The following CNTN6 variants were observed in gnomAD, a reference collection of about 807,000 sequenced individuals.
CNTN6 encodes contactin-6.
Under a neutral mutation model 122.8 loss-of-function variants are expected in CNTN6, and 137 were observed. That is an observed-to-expected ratio of 1.12 (90% CI 0.97 to 1.29). The LOEUF (loss-of-function observed/expected upper bound fraction) is 1.29. Among genes scored for constraint, CNTN6 ranks in the 50% most tolerant of loss-of-function variants. CNTN6 has a pLI of 0.00. For missense variants in CNTN6, 1,634 were observed against 1,223.4 expected, an observed-to-expected ratio of 1.34 and a Z score of -5.01; for synonymous variants, 570 against 426.0, an observed-to-expected ratio of 1.34 and a Z score of -4.16.
At chr3:1,393,660 A>AC (rs1429607024) in intron 20 of CNTN6, among the ~76,000 whole-genome samples, 53 of 152,190 alleles carry the variant, frequency 3.5e-4, no homozygotes, top group African/African-American at 1.3e-3. Flanking sequence ...TAAAAAAAAA[A>AC]ACACATTGTA....
At chr3:1,171,513 GC>G (rs776452787) in intron 2 of CNTN6, among the ~76,000 whole-genome samples, 1 of 152,144 alleles carries the variant, frequency 6.6e-6, no homozygotes. Flanking sequence ...ACTTATAAAT[GC>G]CACTTGTGCC....
Position 1,327,712 on chromosome 3 carries a change from C to A in CNTN6, c.1213+126C>A, listed in dbSNP as rs140968632. On this transcript the variant is annotated intron_variant, in intron 10 of 22. Transcript: ENST00000446702. ...TGTCCCATCAAATAATGGGAAATGT[C>A]TAAATTAACTTTTTACAAAATTCAA... The A allele has an allele frequency of 1.2e-5, 12 of 970,536 alleles. No individual in the cohort carries two copies. The African/African-American group carries it at 1.5e-4, about 12-fold the overall frequency. 60.1% of individuals were successfully genotyped at this position (970,536 alleles called of 1,614,324 possible). A position where few individuals can be genotyped will look rare whatever the true frequency, so the allele number is the denominator to read the frequency against.
chr3:1,373,093 C>A, intron 14 of CNTN6, 138 bp downstream of exon 14: 1 of 578,748 alleles, frequency 1.7e-6, no homozygotes, highest in Non-Finnish European at 3.0e-6. Flanking sequence ...TTTTTAAACC[C>A]CAGGACTCCA....
chr3:1,187,964 C>T (rs1274900834), intron 2 of CNTN6, among the ~76,000 whole-genome samples: 1 of 152,182 alleles, frequency 6.6e-6, no homozygotes, highest in African/African-American at 2.4e-5. Context: ...AAGCCCCACA[C>T]TGCACCACCT....
chr3:1,343,793 A>G (rs61351715), intron 11 of CNTN6, among the ~76,000 whole-genome samples: 1 of 152,068 alleles, frequency 6.6e-6, no homozygotes, highest in South Asian at 2.1e-4. Flanking sequence ...CCCATTCTAT[A>G]TAAAGTTGGC....
At chr3:1,331,776 A>G (rs1702324346) in intron 11 of CNTN6, among the ~76,000 whole-genome samples, 1 of 151,780 alleles carries the variant, frequency 6.6e-6, no homozygotes. Flanking sequence ...AACACGAAGT[A>G]TGTGGGAACA....
chr3:1,160,618 C>G (rs1236448075), intron 2 of CNTN6, among the ~76,000 whole-genome samples: 1 of 147,562 alleles, frequency 6.8e-6, no homozygotes, highest in Admixed American at 6.9e-5. Context: ...TTCTAGTATG[C>G]TGTTTCTGAG....
chr3:1,194,320 T>C (rs1423493871), intron 2 of CNTN6, among the ~76,000 whole-genome samples: 2 of 152,158 alleles, frequency 1.3e-5, no homozygotes, highest in African/African-American at 4.8e-5. Context: ...CAGGGCATCA[T>C]GTTCTCAGAC....
At chr3:1,119,321 T>TTGTGTGTGTGTGTGTG (rs1574914794) in intron 1 of CNTN6, among the ~76,000 whole-genome samples, 1 of 6,390 alleles carries the variant, frequency 1.6e-4, no homozygotes, top group Non-Finnish European at 2.9e-4. Context: ...AACAGAAAAA[T>TTGTGTGTGTGTGTGTG]CGTGTGTGTG....
At chr3:1,364,968 C>T (rs977119197) in intron 12 of CNTN6, among the ~76,000 whole-genome samples, 11 of 152,004 alleles carry the variant, frequency 7.2e-5, no homozygotes, top group Non-Finnish European at 1.2e-4. Flanking sequence ...GAATGATTGT[C>T]ATTTATATTT....
intron 2 of CNTN6, among the ~76,000 whole-genome samples, chr3:1,154,084 T>A (rs2092906743): frequency 6.6e-6 from 1 of 152,240 alleles, no homozygotes; most frequent in South Asian, 2.1e-4. Flanking sequence ...ACCATTTTCA[T>A]GCAATGCTTA....
At chr3:1,170,140 G>A (rs1575105472) in intron 2 of CNTN6, among the ~76,000 whole-genome samples, 1 of 143,216 alleles carries the variant, frequency 7.0e-6, no homozygotes, top group African/African-American at 2.6e-5. Flanking sequence ...AGGAGGCTGA[G>A]ACAAGAGAAT....
rs535171995 is a variant in CNTN6, at chr3:1,142,369, T to C, written c.-82-5558T>C. Among the ~76,000 whole-genome samples the C allele has an allele frequency of 1.9e-4, 29 of 152,196 alleles. No individual in the cohort carries two copies. In the South Asian group the frequency reaches 5.8e-3, roughly 30 times the overall value. ...TCTGGGATCAGAAGCAAGTCAGTGATACATGGTGAGAAGAGGTCGTATAAA... is the reference window on the plus strand; with the variant it reads ...TCTGGGATCAGAAGCAAGTCAGTGACACATGGTGAGAAGAGGTCGTATAAA... On this transcript the variant is annotated intron_variant, in intron 1 of 22. Coordinates refer to ENST00000446702, the MANE Select transcript of CNTN6 (RefSeq NM_001289080.2).
At chr3:1,308,076 T>C (rs1013898743) in intron 7 of CNTN6, among the ~76,000 whole-genome samples, 66 of 152,314 alleles carry the variant, frequency 4.3e-4, no homozygotes, top group African/African-American at 1.5e-3. Flanking sequence ...TTCTTCTACC[T>C]GTGAAATGTG....
In CNTN6 at chr3:1,247,747, C is replaced by A. The variant is rs145967821; in HGVS notation, c.358+19754C>A. Among the ~76,000 whole-genome samples, 479 of 152,312 alleles carry A rather than the reference C, an allele frequency of 3.1e-3. 3 individuals are homozygous for A. The highest frequency in any genetic ancestry group is 0.01 in the African/African-American group (423 of 41,558). On this transcript the variant is annotated intron_variant, in intron 4 of 22. Coordinates refer to ENST00000446702, the MANE Select transcript of CNTN6 (RefSeq NM_001289080.2). ...GATTCCGTGGATTATAGTCCCCTCA[C>A]AGACATGCAATGCTGGCTTTTTTAT...
At chr3:1,288,776 A>G (rs1020871576) in intron 5 of CNTN6, among the ~76,000 whole-genome samples, 1 of 152,182 alleles carries the variant, frequency 6.6e-6, no homozygotes, top group African/African-American at 2.4e-5. Flanking sequence ...TCTTGTTTGT[A>G]TTTTAAATAT....
intron 20 of CNTN6, among the ~76,000 whole-genome samples, chr3:1,399,533 G>A (rs1185953681): frequency 1.3e-5 from 2 of 152,064 alleles, no homozygotes; most frequent in African/African-American, 4.8e-5. Flanking sequence ...CAATTGGCCT[G>A]TCCATCTTAT....
chr3:1,315,248 C>CA (rs1371242828), intron 7 of CNTN6, among the ~76,000 whole-genome samples: 1 of 151,914 alleles, frequency 6.6e-6, no homozygotes, highest in African/African-American at 2.4e-5. Context: ...TATCTTGAAG[C>CA]AAAACGAACT....
At chr3:1,177,203 T>A (rs1335796423) in intron 2 of CNTN6, among the ~76,000 whole-genome samples, 3 of 152,200 alleles carry the variant, frequency 2.0e-5, no homozygotes, top group South Asian at 4.1e-4. Context: ...GATTGCATAG[T>A]AAACACAATG....
Sources: allele counts gnomAD v4.1 joint callset (sites outside exome capture counted in the v4.1 genomes callset), GRCh38; gene constraint gnomAD v4.1.1; transcripts MANE v1.5; gene names NCBI Gene and HGNC (gene_info 2026-07-23, HGNC 2026-07-21).